The following CADM2 variants were observed in gnomAD, a reference collection of about 807,000 sequenced individuals.
CADM2 encodes the protein cell adhesion molecule 2.
CADM2 carries 12 observed loss-of-function variants against 49.8 expected under a neutral mutation model. That is an observed-to-expected ratio of 0.24 (90% CI 0.15 to 0.39). The LOEUF is 0.39. Ranked by LOEUF, CADM2 falls within the 10% of genes least tolerant of loss-of-function variation. CADM2 has a pLI of 1.00. For missense variants in CADM2, 378 were observed against 492.3 expected, an observed-to-expected ratio of 0.77 and a Z score of 2.20; for synonymous variants, 214 against 175.4, an observed-to-expected ratio of 1.22 and a Z score of -1.74.
chr3:85,569,776 G>GTGACTTAGGTTAGAAGTC (rs1269321102), intron 1 of CADM2, among the ~76,000 whole-genome samples: 1 of 151,190 alleles, frequency 6.6e-6, no homozygotes, highest in East Asian at 1.9e-4. Context: ...CTTAGAAGTA[G>GTGACTTAGGTTAGAAGTC]ATTTCAGTGA....
At chr3:85,395,255 G>T (rs1018308276) in intron 1 of CADM2, among the ~76,000 whole-genome samples, 9 of 128,296 alleles carry the variant, frequency 7.0e-5, no homozygotes, top group Non-Finnish European at 1.2e-4. Context: ...CTGTGATCAT[G>T]CCACTGCACT....
At chr3:85,057,230 C>T (rs144011725) in intron 1 of CADM2, among the ~76,000 whole-genome samples, 496 of 151,906 alleles carry the variant, frequency 3.3e-3, no homozygotes, top group Non-Finnish European at 5.4e-3. Flanking sequence ...GCATATTTGC[C>T]GTGAAAAAAT....
chr3:85,392,378 T>A (rs1268987280), intron 1 of CADM2, among the ~76,000 whole-genome samples: 1 of 152,100 alleles, frequency 6.6e-6, no homozygotes, highest in East Asian at 1.9e-4. Flanking sequence ...ACTAACAGAT[T>A]ATTATAATTA....
chr3:85,871,999 G>T (rs981893583), intron 3 of CADM2, among the ~76,000 whole-genome samples: 4 of 152,094 alleles, frequency 2.6e-5, no homozygotes, highest in African/African-American at 9.7e-5. Context: ...ATTCTCTCCT[G>T]CATTGGAAGA....
chr3:85,471,542 G>T (rs532545660), intron 1 of CADM2, among the ~76,000 whole-genome samples: 1 of 152,076 alleles, frequency 6.6e-6, no homozygotes, highest in Non-Finnish European at 1.5e-5. Flanking sequence ...GTATCAAACT[G>T]CTCAAATCAT....
Position 85,626,399 on chromosome 3 carries a change from G to T in CADM2, c.62-100123G>T, listed in dbSNP as rs542075151. ...CAATGAAATGAAATGAATCTCAGTG[G>T]AATAAATCAAATGTCTCACCCATGA... On this transcript the variant is annotated intron_variant, in intron 1 of 9. Coordinates refer to ENST00000383699, the MANE Select transcript of CADM2 (RefSeq NM_001167675.2). Among the ~76,000 whole-genome samples, 4 of 151,868 alleles carry T rather than the reference G, an allele frequency of 2.6e-5. No individual in the cohort carries two copies. The East Asian group carries it at 7.7e-4, about 29-fold the overall frequency.
intron 1 of CADM2, among the ~76,000 whole-genome samples, chr3:85,177,981 C>T (rs2040829442): frequency 6.6e-6 from 1 of 151,872 alleles, no homozygotes; most frequent in Non-Finnish European, 1.5e-5. Flanking sequence ...ATTAAGCATG[C>T]AATATGATTC....
At chr3:85,348,049 A>G (rs554983183) in intron 1 of CADM2, among the ~76,000 whole-genome samples, 27 of 152,082 alleles carry the variant, frequency 1.8e-4, no homozygotes, top group Admixed American at 3.9e-4. Flanking sequence ...ACCTCAATTG[A>G]TCTGCCTATT....
intron 1 of CADM2, among the ~76,000 whole-genome samples, chr3:85,264,715 T>C: frequency 6.6e-6 from 1 of 152,118 alleles, no homozygotes; most frequent in East Asian, 1.9e-4. Flanking sequence ...TAATCATATA[T>C]AACTATGGAA....
intron 1 of CADM2, among the ~76,000 whole-genome samples, chr3:85,652,772 C>CTTTTTTTTT (rs34756757): frequency 0.032 from 1,604 of 50,728 alleles, 427 homozygotes; most frequent in East Asian, 0.095. Context: ...TTTTTCTTTT[C>CTTTTTTTTT]TTTTTTTTTT....
chr3:85,604,443 A>C (rs2107415510), intron 1 of CADM2, among the ~76,000 whole-genome samples: 1 of 152,116 alleles, frequency 6.6e-6, no homozygotes, highest in Middle Eastern at 3.4e-3. Flanking sequence ...TATAAACCAT[A>C]CATCACGACA....
At chr3:85,092,908 G>C (rs1197124638) in intron 1 of CADM2, among the ~76,000 whole-genome samples, 1 of 152,072 alleles carries the variant, frequency 6.6e-6, no homozygotes, top group Non-Finnish European at 1.5e-5. Flanking sequence ...ATTTACCTTT[G>C]TCATTCTCAT....
At chr3:85,457,425 A>T (rs887826194) in intron 1 of CADM2, among the ~76,000 whole-genome samples, 3 of 152,108 alleles carry the variant, frequency 2.0e-5, no homozygotes, top group African/African-American at 7.2e-5. Context: ...GGAAAAAAAA[A>T]AAATTAAAAA....
At chr3:85,517,574 T>C (rs1576701362) in intron 1 of CADM2, among the ~76,000 whole-genome samples, 1 of 152,302 alleles carries the variant, frequency 6.6e-6, no homozygotes, top group East Asian at 1.9e-4. Flanking sequence ...TTTAACAAGA[T>C]GACAGCCATG....
intron 1 of CADM2, among the ~76,000 whole-genome samples, chr3:85,541,158 T>G (rs2061529500): frequency 6.6e-6 from 1 of 151,004 alleles, no homozygotes; most frequent in Admixed American, 6.6e-5. Flanking sequence ...TATACATTTA[T>G]ATATTTATTA....
chr3:85,343,856 A>G (rs2030231002), intron 1 of CADM2, among the ~76,000 whole-genome samples: 2 of 152,150 alleles, frequency 1.3e-5, no homozygotes, highest in Non-Finnish European at 2.9e-5. Flanking sequence ...TCACTCTCAT[A>G]ACTTTTCTCC....
In CADM2 at chr3:85,486,725, T is replaced by C. The variant is rs138185938; in HGVS notation, c.62-239797T>C. On this transcript the variant is annotated intron_variant, in intron 1 of 9. Transcript: ENST00000383699. ...CAATTGGAATGTGTATATTTTAAAG[T>C]TATTTTATAATGGAAAACTCTCAGG... Among the ~76,000 whole-genome samples the C allele has an allele frequency of 2.6e-3, 401 of 152,244 alleles. 1 individual carries two copies. Among genetic ancestry groups the C allele is most frequent in the African/African-American group, 8.2e-3 (341 of 41,560 alleles).
intron 1 of CADM2, among the ~76,000 whole-genome samples, chr3:85,189,269 C>T (rs1453422652): frequency 1.3e-5 from 2 of 151,748 alleles, no homozygotes; most frequent in Non-Finnish European, 2.9e-5. Context: ...TTTTCTCTGA[C>T]AGATTACAGA....
intron 1 of CADM2, among the ~76,000 whole-genome samples, chr3:85,394,810 A>G (rs1352364590): frequency 1.3e-5 from 2 of 152,242 alleles, no homozygotes; most frequent in Middle Eastern, 3.4e-3. Context: ...CAATTATTTT[A>G]TATTTTCTCA....
Sources: gnomAD v4.1 joint callset for allele counts (sites outside exome capture counted in the v4.1 genomes callset) on GRCh38, gnomAD v4.1.1 for gene constraint, MANE v1.5 for transcripts, NCBI Gene and HGNC (gene_info 2026-07-23, HGNC 2026-07-21) for gene names.